EYA2: variants seen among roughly 807,000 people sequenced by gnomAD.
The protein encoded by EYA2 is EYA transcriptional coactivator and phosphatase 2.
In EYA2, 31 loss-of-function variants were observed where a neutral mutation model predicts 69.2. That is an observed-to-expected ratio of 0.45 (90% CI 0.34 to 0.60). EYA2 has a LOEUF of 0.60. Ranked by LOEUF, EYA2 falls within the 20% of genes least tolerant of loss-of-function variation. The pLI, the probability that EYA2 is intolerant of heterozygous loss-of-function variation, is 0.02. For missense variants in EYA2, 622 were observed against 701.2 expected (o/e 0.89, Z 1.28); for synonymous variants, 257 against 279.4 (o/e 0.92, Z 0.80).
intron 5 of EYA2, among the ~76,000 whole-genome samples, chr20:47,070,383 A>G (rs1011977394): frequency 6.6e-6 from 1 of 152,252 alleles, no homozygotes; most frequent in African/African-American, 2.4e-5. Context: ...GGCTGTAATC[A>G]AGAAGACTGA....
intron 4 of EYA2, among the ~76,000 whole-genome samples, chr20:47,011,934 G>C (rs1208879556): frequency 6.6e-6 from 1 of 152,140 alleles, no homozygotes; most frequent in Non-Finnish European, 1.5e-5. Flanking sequence ...AGGGAGTCAG[G>C]GAGCCAATCA....
intron 5 of EYA2, among the ~76,000 whole-genome samples, chr20:47,054,921 G>GT (rs1475531178): frequency 2.6e-5 from 4 of 152,160 alleles, no homozygotes; most frequent in Non-Finnish European, 5.9e-5. Context: ...AGAAATAGAT[G>GT]GATCCGGAGC....
At chr20:46,996,655 G>C (rs531810184) in intron 2 of EYA2, among the ~76,000 whole-genome samples, 1 of 152,196 alleles carries the variant, frequency 6.6e-6, no homozygotes, top group Non-Finnish European at 1.5e-5. Flanking sequence ...CAGGGACCCT[G>C]ACTGCCTTGG....
At chr20:47,131,116 A>G (rs1324189542) in intron 9 of EYA2, among the ~76,000 whole-genome samples, 1 of 152,148 alleles carries the variant, frequency 6.6e-6, no homozygotes, top group Admixed American at 6.5e-5. Flanking sequence ...AAAATACTCT[A>G]TGTTTACTTC....
intron 9 of EYA2, among the ~76,000 whole-genome samples, chr20:47,100,700 G>T (rs766716351): frequency 6.6e-6 from 1 of 152,250 alleles, no homozygotes; most frequent in Non-Finnish European, 1.5e-5. Context: ...CAGATCGCCT[G>T]TGCCATCTTC....
intron 1 of EYA2, among the ~76,000 whole-genome samples, chr20:46,973,240 C>T (rs909227732): frequency 2.0e-5 from 3 of 152,196 alleles, no homozygotes; most frequent in African/African-American, 2.4e-5. Context: ...GCATTAACAA[C>T]ACCGTGAACA....
At chr20:46,969,516 C>T (rs879701577) in intron 1 of EYA2, among the ~76,000 whole-genome samples, 1 of 152,038 alleles carries the variant, frequency 6.6e-6, no homozygotes, top group Non-Finnish European at 1.5e-5. Context: ...TTCATTCTTC[C>T]CTGCCTTCCT....
In EYA2 at chr20:47,179,892, A is replaced by G. The variant is rs773561662; in HGVS notation, c.1293A>G (p.Ala431=). 6.2e-7 allele frequency: 1 copy of G among 1,613,850 alleles called. No homozygotes were observed. The highest frequency in any genetic ancestry group is 2.2e-5 in the East Asian group (1 of 44,902). The change falls in exon 13 of 16, where the codon GCA becomes GCG. Residue 431 remains alanine (A), a synonymous_variant. Coordinates refer to ENST00000327619, the MANE Select transcript of EYA2 (RefSeq NM_005244.5). The stretch of plus-strand genomic sequence containing the variant: ...TCTGGCTGACCCACTCCCTGAAGGC[A>G]CTAAACCTCATCAACTCCCGGCAAG... ...TDLWLTHSLK[A]LNLINSRPNC...
At chr20:46,986,398 A>G (rs1287043182) in intron 1 of EYA2, among the ~76,000 whole-genome samples, 1 of 147,728 alleles carries the variant, frequency 6.8e-6, no homozygotes, top group East Asian at 1.9e-4. Flanking sequence ...GATATATAAT[A>G]TATAGATCTA....
At chr20:46,955,487 T>C (rs1482569124) in intron 1 of EYA2, among the ~76,000 whole-genome samples, 2 of 152,240 alleles carry the variant, frequency 1.3e-5, no homozygotes, top group Admixed American at 1.3e-4. Flanking sequence ...TTTGGTTTCA[T>C]TTTTAATTAC....
intron 1 of EYA2, among the ~76,000 whole-genome samples, chr20:46,953,765 T>C (rs889285382): frequency 6.6e-6 from 1 of 152,186 alleles, no homozygotes; most frequent in Non-Finnish European, 1.5e-5. Context: ...GCTAAGATCA[T>C]GGGTGGCATT....
chr20:47,036,613 GAGCATGTATTTTT>G (rs1453662417), intron 5 of EYA2, among the ~76,000 whole-genome samples: 1 of 152,194 alleles, frequency 6.6e-6, no homozygotes, highest in Non-Finnish European at 1.5e-5. Context: ...ATGCATATAA[GAGCATGTATTTTT>G]CCTTTTGCCT....
chr20:46,915,218 G>C (rs113377538), intron 1 of EYA2, among the ~76,000 whole-genome samples: 3 of 152,140 alleles, frequency 2.0e-5, no homozygotes, highest in Admixed American at 2.0e-4. Flanking sequence ...GGGCTGCCAC[G>C]TTTTTTCCTG....
At chr20:47,122,083 G>T (rs956436149) in intron 9 of EYA2, among the ~76,000 whole-genome samples, 4 of 151,704 alleles carry the variant, frequency 2.6e-5, no homozygotes, top group Admixed American at 2.6e-4. Context: ...AAAATCAGAA[G>T]ATCTGGGCAT....
intron 3 of EYA2, among the ~76,000 whole-genome samples, chr20:47,002,200 TCTTTA>T (rs1000441888): frequency 2.6e-5 from 4 of 151,958 alleles, no homozygotes; most frequent in Non-Finnish European, 5.9e-5. Context: ...TTTCATCATT[TCTTTA>T]CTTTATTTTA....
At chr20:47,013,989 A>G (rs1363365941) in intron 4 of EYA2, among the ~76,000 whole-genome samples, 2 of 152,210 alleles carry the variant, frequency 1.3e-5, no homozygotes, top group Non-Finnish European at 2.9e-5. Context: ...CCCCAGTCCA[A>G]TGGATTGGCA....
At chr20:47,173,384 C>G (rs62201427) in intron 12 of EYA2, among the ~76,000 whole-genome samples, 2 of 151,536 alleles carry the variant, frequency 1.3e-5, no homozygotes, top group Non-Finnish European at 2.9e-5. Context: ...GATTGTTGTC[C>G]GCAGACCAAC....
At chr20:47,184,575 C>G (rs2034600313) in intron 15 of EYA2, among the ~76,000 whole-genome samples, 2 of 145,562 alleles carry the variant, frequency 1.4e-5, no homozygotes, top group Admixed American at 1.4e-4. Context: ...CACCACCATA[C>G]CTGGTTAATT....
rs567990036 is a variant in EYA2, at chr20:47,063,597, T to C, written c.416-8588T>C. Reference sequence around the variant, plus strand: ...GCAACTCCCTGCCCCTTTTCCACTTTGTTGCAGATGAAAAGGAGAAAGTAC... The same window carrying C: ...GCAACTCCCTGCCCCTTTTCCACTTCGTTGCAGATGAAAAGGAGAAAGTAC... On this transcript the variant is annotated intron_variant, in intron 5 of 15. Coordinates refer to ENST00000327619, the MANE Select transcript of EYA2 (RefSeq NM_005244.5). Among the ~76,000 whole-genome samples, 11 of 152,278 alleles carry C rather than the reference T, an allele frequency of 7.2e-5. No individual in the cohort carries two copies. The South Asian group carries it at 2.1e-3, about 29-fold the overall frequency.
Sources: allele counts gnomAD v4.1 joint callset (sites outside exome capture counted in the v4.1 genomes callset), GRCh38; gene constraint gnomAD v4.1.1; transcripts MANE v1.5; gene names NCBI Gene and HGNC (gene_info 2026-07-23, HGNC 2026-07-21).